COP1: variants seen among roughly 807,000 people sequenced by gnomAD.
COP1 encodes E3 ubiquitin-protein ligase COP1.
Under a neutral mutation model 101.3 loss-of-function variants are expected in COP1, and 24 were observed. The observed-to-expected ratio is 0.24, with a 90% CI of 0.17 to 0.33. The LOEUF (loss-of-function observed/expected upper bound fraction) is 0.33. Ranked by LOEUF, COP1 falls within the 10% of genes least tolerant of loss-of-function variation. COP1 has a pLI of 1.00. For synonymous variants in COP1, 347 were observed against 341.9 expected, an observed-to-expected ratio of 1.01 and a Z score of -0.17; for missense variants, 663 against 906.2, an observed-to-expected ratio of 0.73 and a Z score of 3.45.
At chr1:176,124,178 T>C (rs551727615) in intron 8 of COP1, among the ~76,000 whole-genome samples, 1 of 152,248 alleles carries the variant, frequency 6.6e-6, no homozygotes, top group African/African-American at 2.4e-5. Flanking sequence ...AAGAGATATT[T>C]TGGTACAGGC....
chr1:175,978,072 A>T (rs1456379429), intron 18 of COP1, among the ~76,000 whole-genome samples: 1 of 152,182 alleles, frequency 6.6e-6, no homozygotes, highest in Non-Finnish European at 1.5e-5. Flanking sequence ...AGTTACTGTT[A>T]GGATAATGGC....
intron 9 of COP1, 86 bp downstream of exon 9, chr1:176,116,538 G>T: frequency 1.8e-6 from 2 of 1,098,134 alleles, no homozygotes; most frequent in Non-Finnish European, 1.4e-6. Context: ...CTTTGTGACA[G>T]GACATTTTAG....
intron 1 of COP1, among the ~76,000 whole-genome samples, chr1:176,194,024 T>C (rs1699384481): frequency 6.6e-6 from 1 of 152,052 alleles, no homozygotes; most frequent in Admixed American, 6.6e-5. Flanking sequence ...ATCCTACAAA[T>C]GGAAATACAC....
At chr1:175,951,323 T>C (rs1649861366) in intron 18 of COP1, among the ~76,000 whole-genome samples, 2 of 149,654 alleles carry the variant, frequency 1.3e-5, no homozygotes, top group Non-Finnish European at 3.0e-5. Flanking sequence ...TGAACAGTTA[T>C]TCACTCAGCA....
At chr1:175,980,337 G>C (rs1655539140) in intron 18 of COP1, among the ~76,000 whole-genome samples, 1 of 121,872 alleles carries the variant, frequency 8.2e-6, no homozygotes, top group Admixed American at 8.8e-5. Flanking sequence ...CCAAGAATCA[G>C]AAGAAACTTA....
intron 1 of COP1, among the ~76,000 whole-genome samples, chr1:176,186,175 T>C (rs1445655790): frequency 6.6e-6 from 1 of 151,996 alleles, no homozygotes; most frequent in Non-Finnish European, 1.5e-5. Context: ...TCAGGAGCTA[T>C]TTAATAGAAA....
intron 11 of COP1, among the ~76,000 whole-genome samples, chr1:176,066,087 CA>C (rs1675915039): frequency 1.3e-5 from 2 of 152,238 alleles, no homozygotes; most frequent in South Asian, 4.2e-4. Flanking sequence ...ATAAGTCTTT[CA>C]AGACTAAGAA....
chr1:176,148,156 A>G (rs1243742493), intron 6 of COP1, among the ~76,000 whole-genome samples: 1 of 152,172 alleles, frequency 6.6e-6, no homozygotes, highest in Non-Finnish European at 1.5e-5. Context: ...AATCACAACT[A>G]AATTAGCAAC....
At chr1:176,034,943 ATG>A (rs1335074490) in intron 14 of COP1, among the ~76,000 whole-genome samples, 1 of 152,206 alleles carries the variant, frequency 6.6e-6, no homozygotes, top group African/African-American at 2.4e-5. Flanking sequence ...CTACTAAGAA[ATG>A]AAGAAACAAA....
chr1:176,089,069 G>A (rs1265153532), intron 9 of COP1, among the ~76,000 whole-genome samples: 1 of 151,750 alleles, frequency 6.6e-6, no homozygotes, highest in African/African-American at 2.4e-5. Flanking sequence ...TTGGGAGGCC[G>A]AGGTGTGTGG....
chr1:175,977,591 T>C (rs926438801), intron 18 of COP1, among the ~76,000 whole-genome samples: 1 of 152,076 alleles, frequency 6.6e-6, no homozygotes, highest in Non-Finnish European at 1.5e-5. Flanking sequence ...ACAAATCATA[T>C]AAAGATCACA....
intron 3 of COP1, among the ~76,000 whole-genome samples, chr1:176,171,186 C>CTA (rs1379744466): frequency 1.4e-5 from 2 of 145,854 alleles, no homozygotes; most frequent in African/African-American, 2.5e-5. Context: ...CTGTCATTTA[C>CTA]TATAGCCACC....
chr1:176,133,974 G>A (rs951526875), intron 8 of COP1: 11 of 431,588 alleles, frequency 2.5e-5, no homozygotes, highest in African/African-American at 8.2e-5. Flanking sequence ...GAAGAAAATC[G>A]GCTGAATTAC....
chr1:176,183,404 G>T lies in COP1; in HGVS notation c.467+1229C>A, dbSNP rs150430099. 2.0e-3 allele frequency among the ~76,000 whole-genome samples: 302 copies of T among 152,284 alleles called. 1 individual carries two copies. The highest frequency in any genetic ancestry group is 3.2e-3 in the Non-Finnish European group (215 of 68,012). On this transcript the variant is annotated intron_variant, in intron 2 of 19. Coordinates refer to ENST00000367669, the MANE Select transcript of COP1 (RefSeq NM_022457.7). ...AAGCAAAAATAATTAAAAATACACA[G>T]ATTACACATCCATCAGGATGGCTAC...
intron 15 of COP1, among the ~76,000 whole-genome samples, chr1:175,999,119 A>G (rs1169314636): frequency 2.6e-5 from 4 of 152,096 alleles, no homozygotes; most frequent in Admixed American, 2.6e-4. Flanking sequence ...CTAATAGCAA[A>G]TAAAAAATTA....
intron 15 of COP1, among the ~76,000 whole-genome samples, chr1:175,996,319 T>A (rs1469800308): frequency 1.3e-5 from 2 of 152,236 alleles, no homozygotes; most frequent in African/African-American, 4.8e-5. Flanking sequence ...CTGGAAGCAT[T>A]CCCTTTGAAA....
chr1:176,126,774 C>A (rs111948105), intron 8 of COP1, among the ~76,000 whole-genome samples: 7 of 152,196 alleles, frequency 4.6e-5, no homozygotes, highest in African/African-American at 1.7e-4. Context: ...TTTTAAGTAT[C>A]AACTGAAATG....
intron 18 of COP1, among the ~76,000 whole-genome samples, chr1:175,966,107 G>C (rs1651987653): frequency 6.6e-6 from 1 of 152,122 alleles, no homozygotes; most frequent in Non-Finnish European, 1.5e-5. Flanking sequence ...TGGTCTTTCA[G>C]AGTTGACTTG....
At chr1:175,988,462 A>C in intron 16 of COP1, 50 bp from the exon 17 acceptor site, 1 of 1,518,418 alleles carries the variant, frequency 6.6e-7, no homozygotes, top group Admixed American at 1.9e-5. Context: ...TCTTGGCACG[A>C]AACTCATCAC....
Sources: allele counts gnomAD v4.1 joint callset (sites outside exome capture counted in the v4.1 genomes callset), GRCh38; gene constraint gnomAD v4.1.1; transcripts MANE v1.5; gene names NCBI Gene and HGNC (gene_info 2026-07-23, HGNC 2026-07-21).